Variants in GABRG2 observed in about 807,000 individuals in gnomAD.
GABRG2 encodes the protein gamma-aminobutyric acid receptor subunit gamma-2.
A neutral mutation model predicts 56.4 loss-of-function variants in GABRG2; 16 were observed. The ratio of observed to expected loss-of-function variants is 0.28; its 90% CI spans 0.19 to 0.43. The LOEUF is 0.43. GABRG2 is among the 20% of genes least tolerant of loss of function. The pLI is 1.00. For synonymous variants in GABRG2, 208 were observed against 205.5 expected, an observed-to-expected ratio of 1.01 and a Z score of -0.10; for missense variants, 327 against 582.7, an observed-to-expected ratio of 0.56 and a Z score of 4.52.
intron 9 of GABRG2, chr5:162,152,709 AT>A: frequency 2.3e-6 from 1 of 442,488 alleles, no homozygotes; most frequent in Non-Finnish European, 4.0e-6. Flanking sequence ...GAATTGATGC[AT>A]TTTTATTTCT....
chr5:162,152,185 C>T (rs546453667), intron 9 of GABRG2: 2 of 185,766 alleles, frequency 1.1e-5, no homozygotes, highest in South Asian at 1.0e-4. Context: ...CTGAACACTA[C>T]CTGTAAGTTC....
At chr5:162,151,864 A>T in intron 9 of GABRG2, 111 bp downstream of exon 9, 1 of 937,218 alleles carries the variant, frequency 1.1e-6, no homozygotes, top group Non-Finnish European at 1.7e-6. Flanking sequence ...GCATTCTACT[A>T]GAGATAATAT....
chr5:162,068,525 T>C (rs1295160754), intron 1 of GABRG2, among the ~76,000 whole-genome samples: 2 of 134,530 alleles, frequency 1.5e-5, no homozygotes, highest in African/African-American at 5.7e-5. Flanking sequence ...GAGATATGTG[T>C]GAGGGAGCTG....
chr5:162,095,395 T>G (rs111470800), intron 2 of GABRG2, 100 bp from the exon 3 acceptor site: 1 of 753,032 alleles, frequency 1.3e-6, no homozygotes, highest in South Asian at 1.5e-5. Context: ...AATAAATTAC[T>G]TCTAATGTAG....
intron 7 of GABRG2, among the ~76,000 whole-genome samples, chr5:162,148,299 G>C (rs936129105): frequency 5.9e-5 from 9 of 152,282 alleles, no homozygotes; most frequent in Admixed American, 5.9e-4. Flanking sequence ...TATAAATTCA[G>C]AATGAAAATA....
upstream of GABRG2, chr5:162,067,482 A>G: frequency 7.1e-6 from 3 of 419,784 alleles, no homozygotes; most frequent in Non-Finnish European, 8.4e-6. Flanking sequence ...CTTTGACCTC[A>G]TAGTTAATCT....
intron 6 of GABRG2, among the ~76,000 whole-genome samples, chr5:162,111,770 C>T (rs1334656470): frequency 6.6e-6 from 1 of 152,092 alleles, no homozygotes; most frequent in Non-Finnish European, 1.5e-5. Context: ...TTCAGATCCA[C>T]AATTTTTACT....
chr5:162,075,817 A>C (rs936971475), intron 1 of GABRG2, among the ~76,000 whole-genome samples: 1 of 152,100 alleles, frequency 6.6e-6, no homozygotes, highest in Non-Finnish European at 1.5e-5. Flanking sequence ...TGTTAATAGC[A>C]TAAGCTCTTC....
intron 6 of GABRG2, among the ~76,000 whole-genome samples, chr5:162,127,822 C>T (rs556453849): frequency 7.9e-5 from 12 of 152,050 alleles, no homozygotes; most frequent in Non-Finnish European, 1.3e-4. Context: ...AGGAAACTGA[C>T]GATCGAAGGA....
chr5:162,149,351 A>G (rs1312661812), intron 8 of GABRG2, 38 bp downstream of exon 8: 2 of 1,600,716 alleles, frequency 1.2e-6, no homozygotes, highest in East Asian at 2.2e-5. Context: ...TGAAATTTTT[A>G]TGATTTCGGT....
At chr5:162,137,654 C>T (rs1317741115) in intron 6 of GABRG2, among the ~76,000 whole-genome samples, 7 of 152,090 alleles carry the variant, frequency 4.6e-5, no homozygotes, top group African/African-American at 1.4e-4. Context: ...TATCTCACCA[C>T]ACTCAAATGT....
chr5:162,131,293 A>G (rs1013025183), intron 6 of GABRG2, among the ~76,000 whole-genome samples: 1 of 152,040 alleles, frequency 6.6e-6, no homozygotes, highest in African/African-American at 2.4e-5. Context: ...AAAGGCAAAC[A>G]TCTTCTAGTG....
chr5:162,150,431 A>T (rs1440003457), intron 8 of GABRG2: 4 of 152,252 alleles, frequency 2.6e-5, no homozygotes, highest in African/African-American at 7.2e-5. Flanking sequence ...AATAGTGAGG[A>T]TGAAGCATAA....
chr5:162,145,361 A>C (rs1764879391), intron 7 of GABRG2, among the ~76,000 whole-genome samples: 2 of 152,218 alleles, frequency 1.3e-5, no homozygotes, highest in African/African-American at 4.8e-5. Context: ...GAGGTGAGGT[A>C]ACATCCCTGA....
intron 1 of GABRG2, among the ~76,000 whole-genome samples, chr5:162,069,308 T>C (rs1252621775): frequency 6.6e-6 from 1 of 152,180 alleles, no homozygotes; most frequent in African/African-American, 2.4e-5. Flanking sequence ...GTTCTATAAA[T>C]ATACCTCTCA....
chr5:162,084,679 G>A (rs903131504), intron 1 of GABRG2, among the ~76,000 whole-genome samples: 2 of 151,830 alleles, frequency 1.3e-5, no homozygotes, highest in Non-Finnish European at 1.5e-5. Context: ...GCCGCACCTT[G>A]CATATTTGTA....
In GABRG2 at chr5:162,153,296, T is replaced by C. The variant is rs762386331; in HGVS notation, c.1356T>C (p.Tyr452=). The C allele has an allele frequency of 4.8e-5, 78 of 1,613,966 alleles. No individual in the cohort carries two copies. Among genetic ancestry groups the C allele is most frequent in the Middle Eastern group, 3.3e-4 (2 of 6,084 alleles). Residue 452 remains tyrosine, a synonymous_variant, in exon 10 of 10, where the codon TAT becomes TAC. Transcript: ENST00000639213. ...IHIRIAKMDS[Y]ARIFFPTAFC... ...TCCGCATTGCCAAAATGGACTCCTA[T>C]GCTCGGATCTTCTTCCCCACTGCCT...
At chr5:162,117,900 C>A (rs557453485) in intron 6 of GABRG2, among the ~76,000 whole-genome samples, 2 of 152,170 alleles carry the variant, frequency 1.3e-5, no homozygotes. Flanking sequence ...ATGATGATGA[C>A]GCAGATGCTA....
At chr5:162,137,951 A>G (rs1561657169) in intron 6 of GABRG2, among the ~76,000 whole-genome samples, 2 of 149,268 alleles carry the variant, frequency 1.3e-5, no homozygotes, top group East Asian at 2.0e-4. Flanking sequence ...GTAGTGATAG[A>G]TTTTCACTAC....
Sources: allele counts gnomAD v4.1 joint callset (sites outside exome capture counted in the v4.1 genomes callset), GRCh38; gene constraint gnomAD v4.1.1; transcripts MANE v1.5; gene names NCBI Gene and HGNC (gene_info 2026-07-23, HGNC 2026-07-21).